ARHGAP10: variants seen among roughly 807,000 people sequenced by gnomAD.
The protein encoded by ARHGAP10 is Rho GTPase activating protein 10, also known as rho GTPase-activating protein 10.
ARHGAP10 carries 87 observed loss-of-function variants against 108.6 expected under a neutral mutation model. The ratio of observed to expected loss-of-function variants is 0.80; its 90% CI spans 0.67 to 0.96. ARHGAP10 has a LOEUF of 0.96. ARHGAP10 is among the 40% of genes least tolerant of loss of function. ARHGAP10 has a pLI of 0.00. For missense variants in ARHGAP10, 939 were observed against 954.5 expected (o/e 0.98, Z 0.21); for synonymous variants, 347 against 341.1 (o/e 1.02, Z -0.19).
At chr4:147,868,659 C>T (rs1373115027) in intron 7 of ARHGAP10, among the ~76,000 whole-genome samples, 1 of 152,116 alleles carries the variant, frequency 6.6e-6, no homozygotes. Context: ...TTAAGGAAGA[C>T]AATTCTATAG....
At chr4:147,937,067 T>TC (rs767898083) in intron 13 of ARHGAP10, among the ~76,000 whole-genome samples, 11 of 151,604 alleles carry the variant, frequency 7.3e-5, no homozygotes, top group East Asian at 1.9e-4. Flanking sequence ...TCTGAAACCA[T>TC]CCCCCCCACC....
chr4:148,060,908 C>G (rs1481129618), intron 20 of ARHGAP10, among the ~76,000 whole-genome samples: 1 of 151,998 alleles, frequency 6.6e-6, no homozygotes, highest in Admixed American at 6.5e-5. Flanking sequence ...AGAACTTGAC[C>G]CTGGACAAGG....
chr4:147,761,112 G>A (rs1256372859), intron 1 of ARHGAP10, among the ~76,000 whole-genome samples: 2 of 151,638 alleles, frequency 1.3e-5, no homozygotes, highest in Non-Finnish European at 2.9e-5. Context: ...CACCTTCCAG[G>A]CTCAAGCAAT....
intron 10 of ARHGAP10, among the ~76,000 whole-genome samples, chr4:147,898,505 G>A (rs1736091195): frequency 6.6e-6 from 1 of 151,436 alleles, no homozygotes. Flanking sequence ...TCTTGGATGT[G>A]TAGGTTTGAT....
At chr4:147,766,819 TATATATATATATATATA>T (rs1560746906) in intron 1 of ARHGAP10, among the ~76,000 whole-genome samples, 358 of 13,470 alleles carry the variant, frequency 0.027, 6 homozygotes, top group Admixed American at 0.033. Context: ...TATATATATA[TATATATATATATATATA>T]TATTTATTTA....
intron 1 of ARHGAP10, among the ~76,000 whole-genome samples, chr4:147,740,906 T>C (rs551742554): frequency 6.6e-6 from 1 of 152,314 alleles, no homozygotes; most frequent in Admixed American, 6.5e-5. Context: ...GTAGGACCTA[T>C]CTCAGATCTG....
chr4:147,994,945 G>A (rs966953050), intron 18 of ARHGAP10, among the ~76,000 whole-genome samples: 4 of 152,136 alleles, frequency 2.6e-5, no homozygotes, highest in Admixed American at 6.5e-5. Flanking sequence ...TTGATGGGTC[G>A]ACGTGGAAAG....
intron 20 of ARHGAP10, among the ~76,000 whole-genome samples, chr4:148,053,556 A>G (rs926570023): frequency 7.2e-5 from 11 of 152,184 alleles, no homozygotes; most frequent in Non-Finnish European, 1.6e-4. Flanking sequence ...AGCATCCATA[A>G]TCTTTTTATG....
chr4:148,043,604 C>T (rs1217346014), intron 19 of ARHGAP10, among the ~76,000 whole-genome samples: 5 of 59,794 alleles, frequency 8.4e-5, no homozygotes, highest in Non-Finnish European at 1.8e-4. Context: ...CATAGGGAGA[C>T]CCTCTCTCTA....
At chr4:147,774,521 T>C (rs1036074148) in intron 1 of ARHGAP10, among the ~76,000 whole-genome samples, 2 of 152,216 alleles carry the variant, frequency 1.3e-5, no homozygotes, top group Non-Finnish European at 2.9e-5. Context: ...TTTAATCTCT[T>C]TTTCTTCCCC....
intron 1 of ARHGAP10, among the ~76,000 whole-genome samples, chr4:147,775,379 A>G (rs1469199357): frequency 6.6e-6 from 1 of 152,224 alleles, no homozygotes; most frequent in Non-Finnish European, 1.5e-5. Context: ...GTCTGTCTGC[A>G]TGAGCAGAGC....
chr4:147,839,419 G>A (rs1733319919), intron 3 of ARHGAP10, among the ~76,000 whole-genome samples: 2 of 152,106 alleles, frequency 1.3e-5, no homozygotes, highest in African/African-American at 2.4e-5. Context: ...AGTGTTCTGG[G>A]GAACGGATGT....
Position 148,005,700 on chromosome 4 carries a change from CTTT to C in ARHGAP10, c.1717-17562_1717-17560del, listed in dbSNP as rs112757025. 3.9e-5 allele frequency among the ~76,000 whole-genome samples: 6 copies of C among 152,258 alleles called. 2 individuals are homozygous for C. Among genetic ancestry groups the C allele is most frequent in the African/African-American group, 1.4e-4 (6 of 41,570 alleles). ...ACTTTAAACAGTGAATCTGATTCTTCTTTGAGTTTGTACACCTTAAATTCTTAT... is the reference window on the plus strand; with the variant it reads ...ACTTTAAACAGTGAATCTGATTCTTCGAGTTTGTACACCTTAAATTCTTAT... On this transcript the variant is annotated intron_variant, in intron 18 of 22. Coordinates refer to ENST00000336498, the MANE Select transcript of ARHGAP10 (RefSeq NM_024605.4).
intron 18 of ARHGAP10, among the ~76,000 whole-genome samples, chr4:147,984,504 C>T (rs1739954319): frequency 6.6e-6 from 1 of 152,196 alleles, no homozygotes; most frequent in Admixed American, 6.5e-5. Flanking sequence ...AGGCTGTGCT[C>T]CCACCTCCCT....
rs566503066 is a variant in ARHGAP10, at chr4:147,892,800, C to A, written c.1034+10868C>A. On this transcript the variant is annotated intron_variant, in intron 10 of 22. Transcript: ENST00000336498. Reference sequence around the variant, plus strand: ...GATGTTGCTCCTAGGGGACACTGGGCAATATCTGGAGACACTGATATAATG... The same window carrying A: ...GATGTTGCTCCTAGGGGACACTGGGAAATATCTGGAGACACTGATATAATG... Among the ~76,000 whole-genome samples the A allele has an allele frequency of 1.2e-4, 18 of 152,174 alleles. 1 individual carries two copies. Among genetic ancestry groups the A allele is most frequent in the African/African-American group, 4.3e-4 (18 of 41,538 alleles).
chr4:147,811,484 T>C (rs1416394749), intron 1 of ARHGAP10, among the ~76,000 whole-genome samples: 1 of 152,184 alleles, frequency 6.6e-6, no homozygotes, highest in East Asian at 1.9e-4. Context: ...CAGCCCTGAC[T>C]GTCCTGATAA....
chr4:147,865,113 C>T (rs1734500193), intron 6 of ARHGAP10, 157 bp downstream of exon 6: 1 of 624,494 alleles, frequency 1.6e-6, no homozygotes, highest in African/African-American at 1.9e-5. Flanking sequence ...GCCATGAAGT[C>T]AAGGAATTGC....
intron 10 of ARHGAP10, among the ~76,000 whole-genome samples, chr4:147,897,149 TTA>T (rs1393266161): frequency 2.6e-5 from 4 of 151,964 alleles, no homozygotes; most frequent in African/African-American, 9.7e-5. Context: ...ATCTGATTCT[TTA>T]TGTTTAAACT....
chr4:148,020,444 C>T (rs1317189662), intron 18 of ARHGAP10, among the ~76,000 whole-genome samples: 1 of 152,112 alleles, frequency 6.6e-6, no homozygotes, highest in Non-Finnish European at 1.5e-5. Context: ...TGATGCTCTC[C>T]CTCCCCCTGC....
Sources: allele counts gnomAD v4.1 joint callset (sites outside exome capture counted in the v4.1 genomes callset), GRCh38; gene constraint gnomAD v4.1.1; transcripts MANE v1.5; gene names NCBI Gene and HGNC (gene_info 2026-07-23, HGNC 2026-07-21).